The following RBFOX1 variants were observed in gnomAD, a reference collection of about 807,000 sequenced individuals.
RBFOX1 encodes the protein RNA binding protein fox-1 homolog 1.
A neutral mutation model predicts 57.7 loss-of-function variants in RBFOX1; 8 were observed. The ratio of observed to expected loss-of-function variants is 0.14; its 90% CI spans 0.08 to 0.25. RBFOX1 has a LOEUF of 0.25. RBFOX1 is among the 10% of genes least tolerant of loss of function. The pLI is 1.00. For synonymous variants in RBFOX1, 326 were observed against 222.4 expected, an observed-to-expected ratio of 1.47 and a Z score of -4.15; for missense variants, 611 against 548.5, an observed-to-expected ratio of 1.11 and a Z score of -1.14.
At chr16:6,337,129 A>T (rs558455721) in intron 2 of RBFOX1, among the ~76,000 whole-genome samples, 1 of 152,272 alleles carries the variant, frequency 6.6e-6, no homozygotes, top group African/African-American at 2.4e-5. Flanking sequence ...TAAATGCTTT[A>T]TATTTATCCA....
In RBFOX1 at chr16:5,591,413, G is replaced by A. The variant is rs917521735; in HGVS notation, c.259-7489G>A. On this transcript the variant is annotated intron_variant, in intron 2 of 2. Coordinates refer to the RBFOX1 transcript ENST00000585867. ...ACTACAGGCACCCACCACTGTGCTCGGTTAATTTTGTGTTTTTAGTAGAGA... is the reference window on the plus strand; with the variant it reads ...ACTACAGGCACCCACCACTGTGCTCAGTTAATTTTGTGTTTTTAGTAGAGA... 2.6e-5 allele frequency among the ~76,000 whole-genome samples: 4 copies of A among 152,094 alleles called. No homozygotes were observed. In the South Asian group the frequency reaches 6.2e-4, roughly 24 times the overall value.
chr16:6,829,530 C>A (rs1181606342), intron 3 of RBFOX1, among the ~76,000 whole-genome samples: 1 of 149,424 alleles, frequency 6.7e-6, no homozygotes, highest in Non-Finnish European at 1.5e-5. Context: ...CTTAGTATGA[C>A]AAAATAAGTA....
chr16:7,416,545 C>T (rs533791872), intron 4 of RBFOX1, among the ~76,000 whole-genome samples: 13 of 152,172 alleles, frequency 8.5e-5, no homozygotes, highest in African/African-American at 2.2e-4. Flanking sequence ...AACAGAAGAT[C>T]GGGGCTAATG....
chr16:6,641,037 C>T (rs1183323580), intron 2 of RBFOX1, among the ~76,000 whole-genome samples: 1 of 152,184 alleles, frequency 6.6e-6, no homozygotes, highest in Non-Finnish European at 1.5e-5. Context: ...GGCGTAAACT[C>T]ACCGTTCTGC....
intron 3 of RBFOX1, among the ~76,000 whole-genome samples, chr16:6,948,833 T>G (rs1347119625): frequency 1.3e-5 from 2 of 152,162 alleles, no homozygotes; most frequent in Non-Finnish European, 2.9e-5. Flanking sequence ...GATGATTTGA[T>G]TTGTGTCATC....
chr16:5,409,852 A>G (rs1373616867), intron 1 of RBFOX1, among the ~76,000 whole-genome samples: 1 of 151,980 alleles, frequency 6.6e-6, no homozygotes, highest in Non-Finnish European at 1.5e-5. Context: ...GTTCGAGACC[A>G]GCTTGGCCAA....
intron 1 of RBFOX1, among the ~76,000 whole-genome samples, chr16:6,076,224 G>C (rs1044540024): frequency 3.9e-5 from 6 of 151,976 alleles, no homozygotes; most frequent in Middle Eastern, 3.4e-3. Context: ...GCTTGAACCC[G>C]GGAGGCGGAA....
At chr16:7,673,431 G>T (rs2146238200) in intron 13 of RBFOX1, among the ~76,000 whole-genome samples, 1 of 152,262 alleles carries the variant, frequency 6.6e-6, no homozygotes, top group Non-Finnish European at 1.5e-5. Context: ...TATTAGCTAG[G>T]CACAGTGGCT....
rs140674848 is a variant in RBFOX1, at chr16:7,536,825, A to G, written c.270+18436A>G. On this transcript the variant is annotated intron_variant, in intron 5 of 15. Coordinates refer to ENST00000550418, the MANE Select transcript of RBFOX1 (RefSeq NM_018723.4). Reference sequence around the variant, plus strand: ...AGTATTTACACTATGGGCATTGGCAATGCTACAGATGAGGGCTTTTCTGTC... The same window carrying G: ...AGTATTTACACTATGGGCATTGGCAGTGCTACAGATGAGGGCTTTTCTGTC... 9.5e-4 allele frequency among the ~76,000 whole-genome samples: 144 copies of G among 152,300 alleles called. 1 individual carries two copies. The highest frequency in any genetic ancestry group is 3.1e-3 in the African/African-American group (129 of 41,564).
At chr16:5,913,407 C>T (rs567023773) in intron 4 of RBFOX1, among the ~76,000 whole-genome samples, 47 of 152,284 alleles carry the variant, frequency 3.1e-4, no homozygotes, top group Non-Finnish European at 6.2e-4. Flanking sequence ...GGGCAGTTGC[C>T]TCATGAATGG....
chr16:6,032,063 C>G (rs1018641305), intron 1 of RBFOX1, among the ~76,000 whole-genome samples: 3 of 151,928 alleles, frequency 2.0e-5, no homozygotes, highest in African/African-American at 7.2e-5. Flanking sequence ...AGTGTGTTTT[C>G]AAGGATTGTA....
chr16:7,664,621 A>G (rs1160714875), intron 12 of RBFOX1: 10 of 392,934 alleles, frequency 2.5e-5, no homozygotes, highest in African/African-American at 2.0e-4. Context: ...GGCCACTTAA[A>G]TCTCAGTCCT....
At chr16:7,200,580 T>A (rs763546314) in intron 4 of RBFOX1, among the ~76,000 whole-genome samples, 1 of 152,172 alleles carries the variant, frequency 6.6e-6, no homozygotes, top group African/African-American at 2.4e-5. Context: ...AAGAAGGAGT[T>A]GTGACAGAAA....
intron 5 of RBFOX1, among the ~76,000 whole-genome samples, chr16:7,560,475 G>A (rs947106293): frequency 7.3e-5 from 11 of 151,640 alleles, no homozygotes; most frequent in Non-Finnish European, 1.0e-4. Flanking sequence ...TTGCTGCTCC[G>A]GATTTCACAT....
At chr16:7,547,446 G>C (rs527707972) in intron 5 of RBFOX1, among the ~76,000 whole-genome samples, 1 of 152,214 alleles carries the variant, frequency 6.6e-6, no homozygotes, top group Non-Finnish European at 1.5e-5. Context: ...GAAAAGACAA[G>C]AGAAGGGGAA....
At chr16:5,496,126 AAAAAGAAAAG>A (rs374522833) in intron 2 of RBFOX1, among the ~76,000 whole-genome samples, 2 of 130,794 alleles carry the variant, frequency 1.5e-5, no homozygotes, top group East Asian at 4.0e-4. Flanking sequence ...ACTCCATCTC[AAAAAGAAAAG>A]AAAAGAAAAG....
At chr16:7,704,421 T>A (rs2148347579) in intron 14 of RBFOX1, among the ~76,000 whole-genome samples, 1 of 152,322 alleles carries the variant, frequency 6.6e-6, no homozygotes, top group East Asian at 1.9e-4. Context: ...CCCAGAAAGT[T>A]TTCTTCTGTC....
chr16:5,538,125 G>A (rs967697168), intron 2 of RBFOX1, among the ~76,000 whole-genome samples: 1 of 152,174 alleles, frequency 6.6e-6, no homozygotes, highest in African/African-American at 2.4e-5. Context: ...CAGGAACATT[G>A]AGGAGACATC....
At chr16:5,824,077 G>T (rs1387529421) in intron 3 of RBFOX1, among the ~76,000 whole-genome samples, 7 of 152,170 alleles carry the variant, frequency 4.6e-5, no homozygotes, top group African/African-American at 1.7e-4. Context: ...ACTTACTAGT[G>T]AGGGAAACTT....
Sources: allele counts gnomAD v4.1 joint callset (sites outside exome capture counted in the v4.1 genomes callset), GRCh38; gene constraint gnomAD v4.1.1; transcripts MANE v1.5; gene names NCBI Gene and HGNC (gene_info 2026-07-23, HGNC 2026-07-21).